RMDN2: variants seen among roughly 807,000 people sequenced by gnomAD.
RMDN2 encodes the protein regulator of microtubule dynamics 2.
Under a neutral mutation model 52.8 loss-of-function variants are expected in RMDN2, and 61 were observed. That is an observed-to-expected ratio of 1.16 (90% CI 0.94 to 1.43). The LOEUF is 1.43. Among genes scored for constraint, RMDN2 ranks in the 40% most tolerant of loss-of-function variants. The pLI is 0.00. For missense variants in RMDN2, 592 were observed against 475.3 expected (o/e 1.25, Z -2.28); for synonymous variants, 180 against 153.1 (o/e 1.18, Z -1.30).
At chr2:38,049,252 G>C (rs1209720112) in intron 10 of RMDN2, among the ~76,000 whole-genome samples, 2 of 152,130 alleles carry the variant, frequency 1.3e-5, no homozygotes, top group African/African-American at 4.8e-5. Context: ...AAAGAAAAGG[G>C]AGTAGAAGGA....
intron 4 of RMDN2, 130 bp from the exon 5 acceptor site, chr2:37,981,153 A>G (rs895051990): frequency 4.3e-6 from 3 of 694,458 alleles, no homozygotes; most frequent in African/African-American, 1.8e-5. Flanking sequence ...AAAGTTCTTA[A>G]ACAAAGTTGC....
At chr2:37,952,310 A>C in intron 2 of RMDN2, 1 of 1,004,580 alleles carries the variant, frequency 1.0e-6, no homozygotes, top group Non-Finnish European at 1.5e-6. Context: ...TTCCTCACAA[A>C]GCTTCACTGC....
intron 10 of RMDN2, among the ~76,000 whole-genome samples, chr2:38,065,796 A>G (rs1682251381): frequency 1.3e-5 from 2 of 152,240 alleles, no homozygotes; most frequent in South Asian, 4.1e-4. Context: ...TTTTAGGATT[A>G]TAAGACAAAG....
At chr2:37,960,450 C>G (rs1241777413) in intron 2 of RMDN2, among the ~76,000 whole-genome samples, 1 of 152,046 alleles carries the variant, frequency 6.6e-6, no homozygotes, top group Non-Finnish European at 1.5e-5. Flanking sequence ...TTATCAGAGA[C>G]TAGGATTGCA....
chr2:38,027,848 G>A (rs190522689), intron 10 of RMDN2, among the ~76,000 whole-genome samples: 2 of 152,166 alleles, frequency 1.3e-5, no homozygotes, highest in Admixed American at 6.5e-5. Flanking sequence ...CCACAAAACT[G>A]TGGCATTAAT....
At chr2:37,956,553 CT>C (rs777297576) in intron 2 of RMDN2, among the ~76,000 whole-genome samples, 9 of 150,642 alleles carry the variant, frequency 6.0e-5, no homozygotes, top group Non-Finnish European at 1.2e-4. Context: ...TTTAATCTCT[CT>C]TATTCCTCTC....
At chr2:38,048,463 C>T (rs1163772890) in intron 10 of RMDN2, among the ~76,000 whole-genome samples, 5 of 152,184 alleles carry the variant, frequency 3.3e-5, no homozygotes, top group African/African-American at 7.2e-5. Flanking sequence ...TTCAGGATTA[C>T]CTGTGGCTTC....
intron 10 of RMDN2, among the ~76,000 whole-genome samples, chr2:38,028,384 CTT>C (rs1679937170): frequency 1.3e-5 from 2 of 152,250 alleles, no homozygotes; most frequent in Admixed American, 6.5e-5. Context: ...TTTACATACT[CTT>C]TGTTTGCTTC....
chr2:37,951,425 A>T, intron 2 of RMDN2: 2 of 1,612,648 alleles, frequency 1.2e-6, no homozygotes, highest in Non-Finnish European at 1.7e-6. Context: ...TATCAAGTCC[A>T]TCTTTCTCTG....
chr2:38,038,885 C>A (rs1680768450), intron 10 of RMDN2, among the ~76,000 whole-genome samples: 1 of 152,074 alleles, frequency 6.6e-6, no homozygotes. Context: ...ATAGGTTTCG[C>A]CCCTTTCAGC....
chr2:37,968,728 T>G (rs776208894), intron 2 of RMDN2, among the ~76,000 whole-genome samples: 1 of 152,186 alleles, frequency 6.6e-6, no homozygotes, highest in Non-Finnish European at 1.5e-5. Flanking sequence ...GAAAAGTGCA[T>G]GTAGAACAAA....
chr2:38,047,216 T>C (rs1681326884), intron 10 of RMDN2, among the ~76,000 whole-genome samples: 1 of 152,196 alleles, frequency 6.6e-6, no homozygotes, highest in African/African-American at 2.4e-5. Context: ...CGACATCATA[T>C]GGTAACTTAA....
chr2:38,020,415 C>G (rs1480871510), downstream of RMDN2, among the ~76,000 whole-genome samples: 4 of 152,220 alleles, frequency 2.6e-5, no homozygotes, highest in Non-Finnish European at 5.9e-5. Flanking sequence ...TTTGGCGGCA[C>G]TTGAGGAGCC....
intron 10 of RMDN2, among the ~76,000 whole-genome samples, chr2:38,005,825 T>C (rs1676999589): frequency 6.6e-6 from 1 of 152,262 alleles, no homozygotes; most frequent in Non-Finnish European, 1.5e-5. Context: ...CTAGGGTTTT[T>C]ATGGTTTTAG....
chr2:38,038,069 C>T (rs990290097), intron 10 of RMDN2, among the ~76,000 whole-genome samples: 2 of 152,174 alleles, frequency 1.3e-5, no homozygotes, highest in African/African-American at 4.8e-5. Context: ...CTCTTCTCCC[C>T]TCCATTCTCC....
At chr2:38,006,248 T>C (rs1431527273) in intron 10 of RMDN2, among the ~76,000 whole-genome samples, 1 of 152,170 alleles carries the variant, frequency 6.6e-6, no homozygotes, top group Non-Finnish European at 1.5e-5. Flanking sequence ...AGAAAGTCAT[T>C]GGTAGCTTGA....
intron 2 of RMDN2, among the ~76,000 whole-genome samples, chr2:37,932,389 A>G (rs1194723391): frequency 6.6e-6 from 1 of 151,818 alleles, no homozygotes; most frequent in East Asian, 1.9e-4. Flanking sequence ...GTAAGGTCAC[A>G]GATCAACAGG....
chr2:38,001,977 C>G (rs17490296), intron 8 of RMDN2, among the ~76,000 whole-genome samples: 18,575 of 152,164 alleles, frequency 0.12, 1,373 homozygotes, highest in Non-Finnish European at 0.16. Flanking sequence ...GGTAGCTTTG[C>G]TGTCTCTCCA....
At chr2:38,049,472 T>C (rs1431919436) in intron 10 of RMDN2, among the ~76,000 whole-genome samples, 1 of 152,198 alleles carries the variant, frequency 6.6e-6, no homozygotes, top group Non-Finnish European at 1.5e-5. Context: ...GATTATTTAA[T>C]TCTGTGTTTT....
Sources: gnomAD v4.1 joint callset for allele counts (sites outside exome capture counted in the v4.1 genomes callset) on GRCh38, gnomAD v4.1.1 for gene constraint, MANE v1.5 for transcripts, NCBI Gene and HGNC (gene_info 2026-07-23, HGNC 2026-07-21) for gene names.